RIMBP2: variants seen among roughly 807,000 people sequenced by gnomAD.
The protein encoded by RIMBP2 is RIMS-binding protein 2.
RIMBP2 carries 48 observed loss-of-function variants against 118.6 expected under a neutral mutation model. The ratio of observed to expected loss-of-function variants is 0.40; its 90% CI spans 0.32 to 0.51. The LOEUF (loss-of-function observed/expected upper bound fraction) is 0.51, where lower values mean the gene tolerates loss of function less well. RIMBP2 is among the 20% of genes least tolerant of loss of function. RIMBP2 has a pLI of 0.41. For missense variants in RIMBP2, 1,551 were observed against 1,768.3 expected (o/e 0.88, Z 2.20); for synonymous variants, 762 against 742.9 (o/e 1.03, Z -0.42).
chr12:130,695,303 C>T (rs1326509701), intron 1 of RIMBP2, among the ~76,000 whole-genome samples: 4 of 152,250 alleles, frequency 2.6e-5, no homozygotes, highest in South Asian at 2.1e-4. Flanking sequence ...AGGAGGACCA[C>T]GTGGCCTCAG....
intron 2 of RIMBP2, among the ~76,000 whole-genome samples, chr12:130,550,194 T>C (rs1288346627): frequency 1.3e-5 from 2 of 152,198 alleles, no homozygotes; most frequent in African/African-American, 4.8e-5. Context: ...GGAGAAGGGA[T>C]GTCTACTGCA....
intron 2 of RIMBP2, among the ~76,000 whole-genome samples, chr12:130,519,727 A>G (rs1213876470): frequency 6.6e-6 from 1 of 152,218 alleles, no homozygotes; most frequent in East Asian, 1.9e-4. Flanking sequence ...ATTTGAGAAC[A>G]AGAGACATTT....
Position 130,528,758 on chromosome 12 carries a change from ACT to A in RIMBP2, c.-216-10843_-216-10842del, listed in dbSNP as rs972837997. 2.2e-4 allele frequency among the ~76,000 whole-genome samples: 33 copies of A among 152,288 alleles called. 1 individual carries two copies. Among genetic ancestry groups the A allele is most frequent in the African/African-American group, 7.9e-4 (33 of 41,552 alleles). The stretch of plus-strand genomic sequence containing the variant: ...CAGAACACAGGCAGCCCCAAAGGGA[ACT>A]CTTTTCTACCAAAACAATGGGGTTG... On this transcript the variant is annotated intron_variant, in intron 2 of 22. Coordinates refer to ENST00000690449, the MANE Select transcript of RIMBP2 (RefSeq NM_001393629.1).
chr12:130,399,761 A>C lies in RIMBP2; in HGVS notation c.3818T>G (p.Val1273Gly). ...GLVPSNFLEE[V>G]PDDVEVYLSD... ...AAGATAGACTTCTACGTCATCAGGC[A>C]CTTCTTCCAAGAAGTTTGAGGGCAC... is the stretch of plus-strand genomic sequence containing the variant. The change falls in exon 22 of 23, where the codon GTG becomes GGG. Residue 1273 changes from valine (V) to glycine (G), a missense_variant. Val to Gly is a moderately radical substitution (Grantham distance 109). Around this residue, in one of 5 missense-constraint regions of RIMBP2, gnomAD observed 1,038 missense variants for 1,125.1 expected, o/e 0.92. Transcript: ENST00000690449. 6.2e-7 allele frequency: 1 copy of C among 1,614,156 alleles called. No homozygotes were observed. The highest frequency in any genetic ancestry group is 8.5e-7 in the Non-Finnish European group (1 of 1,180,000).
chr12:130,632,053 C>G (rs1300952791), intron 1 of RIMBP2, among the ~76,000 whole-genome samples: 4 of 152,356 alleles, frequency 2.6e-5, no homozygotes, highest in African/African-American at 4.8e-5. Flanking sequence ...TTTTAAAAAT[C>G]TATACATCTC....
intron 1 of RIMBP2, among the ~76,000 whole-genome samples, chr12:130,698,514 G>T (rs1031289225): frequency 7.9e-5 from 12 of 152,192 alleles, no homozygotes; most frequent in Admixed American, 3.3e-4. Flanking sequence ...CCAGCACTTT[G>T]GGAGGCTGAG....
chr12:130,540,722 A>T (rs1251725943), intron 2 of RIMBP2, among the ~76,000 whole-genome samples: 1 of 152,000 alleles, frequency 6.6e-6, no homozygotes. Flanking sequence ...GGTCAGGGAG[A>T]TGGACTTGAG....
chr12:130,508,780 C>T (rs1288368937), intron 3 of RIMBP2, among the ~76,000 whole-genome samples: 1 of 152,102 alleles, frequency 6.6e-6, no homozygotes, highest in Non-Finnish European at 1.5e-5. Context: ...CCCAGAGGAC[C>T]GCCTGGCAGG....
rs536550628 is a variant in RIMBP2 at position 130,606,530 on chromosome 12, A to C, written c.-217+21792T>G. ...GGAGGAGTGCAGGTTGAAGAGGCGG[A>C]AGCTGAGCCAACAAGTCCCAAAAGG... On this transcript the variant is annotated intron_variant, in intron 2 of 22. Transcript: ENST00000690449. 4.6e-5 allele frequency among the ~76,000 whole-genome samples: 7 copies of C among 152,302 alleles called. No individual in the cohort carries two copies. The South Asian group carries it at 1.5e-3, about 32-fold the overall frequency.
intron 3 of RIMBP2, among the ~76,000 whole-genome samples, chr12:130,508,604 C>G (rs772344414): frequency 6.6e-6 from 1 of 151,972 alleles, no homozygotes; most frequent in Admixed American, 6.6e-5. Context: ...GCCTTCACCC[C>G]CTGCCTCCAT....
Position 130,436,914 on chromosome 12 carries a change from G to T in RIMBP2, c.2034C>A (p.Gly678=). Residue 678 remains glycine (G), a synonymous_variant, in exon 13 of 23, where the codon GGC becomes GGA. Transcript: ENST00000690449. ...SPSRILPQPQ[G]TPVSTTVAKA... Reference sequence around the variant, plus strand: ...TGGCGACGGTGGTGGACACCGGGGTGCCCTGTGGCTGTGGCAGGATGCGGC... The same window carrying T: ...TGGCGACGGTGGTGGACACCGGGGTTCCCTGTGGCTGTGGCAGGATGCGGC... The T allele has an allele frequency of 3.1e-6, 5 of 1,602,778 alleles. No individual in the cohort carries two copies. The highest frequency in any genetic ancestry group is 4.3e-6 in the Non-Finnish European group (5 of 1,175,830).
chr12:130,696,486 C>T (rs1177936546), intron 1 of RIMBP2, among the ~76,000 whole-genome samples: 1 of 152,202 alleles, frequency 6.6e-6, no homozygotes, highest in Non-Finnish European at 1.5e-5. Flanking sequence ...AAGCCAACAT[C>T]ATCAGCCTTA....
intron 3 of RIMBP2, among the ~76,000 whole-genome samples, chr12:130,514,781 G>A (rs2051271098): frequency 6.6e-6 from 1 of 152,200 alleles, no homozygotes; most frequent in Admixed American, 6.5e-5. Context: ...CTCAGTGTGA[G>A]TGAGTTTAGC....
chr12:130,549,980 C>T (rs369171370), intron 2 of RIMBP2, among the ~76,000 whole-genome samples: 164 of 152,304 alleles, frequency 1.1e-3, no homozygotes, highest in African/African-American at 3.8e-3. Flanking sequence ...CTGAGAGTGT[C>T]CAAGTGTTCC....
chr12:130,593,263 T>C (rs2059381539), intron 2 of RIMBP2, among the ~76,000 whole-genome samples: 1 of 152,278 alleles, frequency 6.6e-6, no homozygotes, highest in African/African-American at 2.4e-5. Context: ...ACTGGACACC[T>C]TTCCGCAACA....
Position 130,503,781 on chromosome 12 carries a change from G to A in RIMBP2, c.-4+2867C>T, listed in dbSNP as rs147607316. ...TTCTGTCCAGCCTCCCTGGAAACTC[G>A]GAGCCAAATGAGAATCTTGGAGTAA... On this transcript the variant is annotated intron_variant, in intron 4 of 22. Transcript: ENST00000690449. Among the ~76,000 whole-genome samples, 897 of 152,272 alleles carry A rather than the reference G, an allele frequency of 5.9e-3. 11 individuals carry two copies. The highest frequency in any genetic ancestry group is 0.02 in the African/African-American group (830 of 41,556).
At chr12:130,423,971 C>T (rs2076591286) in intron 16 of RIMBP2, among the ~76,000 whole-genome samples, 171 bp downstream of exon 16, 3 of 152,112 alleles carry the variant, frequency 2.0e-5, no homozygotes, top group Admixed American at 1.3e-4. Context: ...TCAGCATGGT[C>T]AAAAGGTTGG....
Position 130,450,359 on chromosome 12 carries a change from G to A in RIMBP2, c.505-83C>T, listed in dbSNP as rs931115174. The A allele has an allele frequency of 6.7e-6, 7 of 1,043,186 alleles. No individual in the cohort carries two copies. Among genetic ancestry groups the A allele is most frequent in the Middle Eastern group, 2.0e-4 (1 of 5,008 alleles). 64.6% of individuals were successfully genotyped at this position (1,043,186 alleles called of 1,614,324 possible). A position where few individuals can be genotyped will look rare whatever the true frequency, so the allele number is the denominator to read the frequency against. The stretch of plus-strand genomic sequence containing the variant: ...CCCGCGGCACACGGGAAAGCCCCTC[G>A]CAGCTTCCTGGGCCCCAGGAGGGAC... On this transcript the variant is annotated intron_variant, in intron 8 of 22. Transcript: ENST00000690449. The surrounding 1 kb of genome is among the most constrained non-coding windows in gnomAD (Gnocchi z 4.8).
intron 22 of RIMBP2, 50 bp downstream of exon 22, chr12:130,399,629 C>T (rs753505576): frequency 6.2e-7 from 1 of 1,603,936 alleles, no homozygotes; most frequent in Non-Finnish European, 8.5e-7. Context: ...TATTAGACCA[C>T]ATATGGCAGA....
Sources: gnomAD v4.1 joint callset for allele counts (sites outside exome capture counted in the v4.1 genomes callset) on GRCh38, gnomAD v4.1.1 for gene constraint, gnomAD v4.1.1 regional missense constraint, Gnocchi (gnomAD v3.1) non-coding constraint, MANE v1.5 for transcripts, NCBI Gene and HGNC (gene_info 2026-07-23, HGNC 2026-07-21) for gene names.